Variants in PRMT8 observed in about 807,000 individuals in gnomAD.
PRMT8 encodes protein arginine methyltransferase 8.
In PRMT8, 7 loss-of-function variants were observed where a neutral mutation model predicts 47.1. That is an observed-to-expected ratio of 0.15 (90% CI 0.08 to 0.28). The LOEUF (loss-of-function observed/expected upper bound fraction) is 0.28. Among genes scored for constraint, PRMT8 ranks in the 10% least tolerant of loss-of-function variants. PRMT8 has a pLI of 1.00. For missense variants in PRMT8, 237 were observed against 505.4 expected (o/e 0.47, Z 5.09); for synonymous variants, 188 against 186.5 (o/e 1.01, Z -0.07).
At chr12:3,586,508 A>G (rs142943731) in intron 8 of PRMT8, among the ~76,000 whole-genome samples, 35 of 152,320 alleles carry the variant, frequency 2.3e-4, no homozygotes, top group Admixed American at 3.3e-4. Context: ...TGGAGGTCCT[A>G]CAGTCTCCAG....
At chr12:3,466,788 C>A (rs943360827) in intron 1 of PRMT8, among the ~76,000 whole-genome samples, 4 of 152,126 alleles carry the variant, frequency 2.6e-5, no homozygotes, top group African/African-American at 9.7e-5. Flanking sequence ...TTTAATGTCT[C>A]CTGCATTAAA....
chr12:3,390,357 C>T (rs1042727375), intron 1 of PRMT8, among the ~76,000 whole-genome samples: 1 of 152,204 alleles, frequency 6.6e-6, no homozygotes, highest in Non-Finnish European at 1.5e-5. Context: ...TGACCGATGG[C>T]ACAATTCAGG....
chr12:3,439,760 A>G (rs10744609), intron 1 of PRMT8, among the ~76,000 whole-genome samples: 130,822 of 152,238 alleles, frequency 0.86, 56,567 homozygotes, highest in Non-Finnish European at 0.91. Flanking sequence ...ACCTAACGGG[A>G]ACCACAGAGT....
rs148289825 is a variant in PRMT8, at chr12:3,585,722, G to A, written c.979+2514G>A. Among the ~76,000 whole-genome samples the A allele has an allele frequency of 3.2e-4, 49 of 152,192 alleles. No homozygotes were observed. In the East Asian group the frequency reaches 9.1e-3, roughly 28 times the overall value. On this transcript the variant is annotated intron_variant, in intron 8 of 9. Coordinates refer to ENST00000382622, the MANE Select transcript of PRMT8 (RefSeq NM_019854.5). ...GGTCTCCGTCAGCCAGGCAGTGCTG[G>A]TGCTTTCCTGCCCTGATCTGGGTCA...
chr12:3,437,508 C>G (rs1864756940), intron 1 of PRMT8, among the ~76,000 whole-genome samples: 1 of 151,898 alleles, frequency 6.6e-6, no homozygotes, highest in Non-Finnish European at 1.5e-5. Flanking sequence ...TTTGAATCCT[C>G]ATCGTCCTCC....
intron 1 of PRMT8, among the ~76,000 whole-genome samples, chr12:3,480,657 C>CT (rs397709992): frequency 1.3e-5 from 2 of 151,814 alleles, no homozygotes; most frequent in Admixed American, 6.6e-5. Flanking sequence ...TTCCTCCCCC[C>CT]ACCGCTTTCT....
intron 1 of PRMT8, among the ~76,000 whole-genome samples, chr12:3,413,770 AC>A (rs148557850): frequency 1.0e-3 from 157 of 150,520 alleles, no homozygotes; most frequent in African/African-American, 3.3e-3. Flanking sequence ...GGGAAAAAAA[AC>A]CAATAAAAAA....
chr12:3,413,417 T>C (rs1238431621), intron 1 of PRMT8, among the ~76,000 whole-genome samples: 1 of 152,210 alleles, frequency 6.6e-6, no homozygotes, highest in Non-Finnish European at 1.5e-5. Context: ...TATGTCTTTA[T>C]TAGCAGTGTG....
At position 3,550,478 on chromosome 12, in the gene PRMT8, T is replaced by C; in HGVS notation, c.417+387T>C. 1 of 200,612 alleles carries C rather than the reference T, an allele frequency of 5.0e-6. No individual in the cohort carries two copies. The highest frequency in any genetic ancestry group is 1.2e-4 in the South Asian group (1 of 8,216). 12.4% of individuals were successfully genotyped at this position (200,612 alleles called of 1,614,324 possible). ...TGTGACCTTGGACTATTCACTTCCC[T>C]GCACCTCACTTTTTCTCCATCTATA... On this transcript the variant is annotated intron_variant, in intron 3 of 9. Coordinates refer to ENST00000382622, the MANE Select transcript of PRMT8 (RefSeq NM_019854.5). The surrounding 1 kb of genome is among the most constrained non-coding windows in gnomAD (Gnocchi z 5.1).
chr12:3,550,028 G>A lies in PRMT8; in HGVS notation c.354G>A (p.Val118=). 1.9e-6 allele frequency: 3 copies of A among 1,614,236 alleles called. 1 individual carries two copies. Among genetic ancestry groups the A allele is most frequent in the South Asian group, 2.2e-5 (2 of 91,084 alleles). ...HVFKDKVVLD[V]GSGTGILSMF... ...TCAAGGACAAAGTGGTACTGGATGT[G>A]GGGAGTGGTACTGGGATCCTTTCCA... The change falls in exon 3 of 10, where the codon GTG becomes GTA. Residue 118 remains valine (V), a synonymous_variant. Transcript: ENST00000382622. This position sits in a 1 kb window ranked among gnomAD's most constrained non-coding sequence, Gnocchi z 5.1.
At chr12:3,586,566 G>T (rs1291260509) in intron 8 of PRMT8, among the ~76,000 whole-genome samples, 2 of 152,176 alleles carry the variant, frequency 1.3e-5, no homozygotes, top group African/African-American at 4.8e-5. Context: ...TTCCTGGACG[G>T]GTAACACCAG....
chr12:3,415,520 A>C (rs1864475021), intron 1 of PRMT8, among the ~76,000 whole-genome samples: 1 of 152,210 alleles, frequency 6.6e-6, no homozygotes, highest in Non-Finnish European at 1.5e-5. Flanking sequence ...CCACCAGTCA[A>C]TCATTAGCAT....
At chr12:3,490,675 AAGAGAGAGAGAGAGAGAGAGAGAG>A (rs370069857), upstream of PRMT8, among the ~76,000 whole-genome samples, 2 of 121,158 alleles carry the variant, frequency 1.7e-5, no homozygotes, top group East Asian at 2.5e-4. Context: ...TTTGGGTACA[AAGAGAGAGAGAGAGAGAGAGAGAG>A]AGAGAGAGAG....
chr12:3,470,759 G>T (rs1243437525), intron 1 of PRMT8, among the ~76,000 whole-genome samples: 1 of 152,208 alleles, frequency 6.6e-6, no homozygotes, highest in East Asian at 1.9e-4. Context: ...CTCCACACCA[G>T]CCTGGTGAAT....
Position 3,538,855 on chromosome 12 carries a change from G to T in PRMT8, c.76-1751G>T. The T allele has an allele frequency of 4.4e-6, 2 of 449,812 alleles. No homozygotes were observed. The highest frequency in any genetic ancestry group is 8.9e-6 in the Non-Finnish European group (2 of 223,470). The allele number at this position is 449,812 out of a possible 1,614,324, so 27.9% of individuals were successfully genotyped here. On this transcript the variant is annotated intron_variant, in intron 1 of 9. Transcript: ENST00000382622. This position sits in a 1 kb window ranked among gnomAD's most constrained non-coding sequence, Gnocchi z 4.6. Reference sequence around the variant, plus strand: ...CACTCGCCTTTGCCAGCCCGCCCGGGATCTCACCGACGTGAAATCTGATGT... The same window carrying T: ...CACTCGCCTTTGCCAGCCCGCCCGGTATCTCACCGACGTGAAATCTGATGT...
intron 1 of PRMT8, among the ~76,000 whole-genome samples, chr12:3,420,124 G>A (rs1184333011): frequency 6.6e-6 from 1 of 152,010 alleles, no homozygotes; most frequent in Non-Finnish European, 1.5e-5. Flanking sequence ...CCTCATATGG[G>A]ATGTTCTCAA....
rs1864970209 is a variant in PRMT8, at chr12:3,456,037, T to A, written c.48+74595T>A. ...TGAGCCTGCGTTCTCATCTGTAAAATGAGGATAGTAAGTCACACCTCACAG... is the reference window on the plus strand; with the variant it reads ...TGAGCCTGCGTTCTCATCTGTAAAAAGAGGATAGTAAGTCACACCTCACAG... On this transcript the variant is annotated intron_variant, in intron 1 of 9. Coordinates refer to the PRMT8 transcript ENST00000452611. The surrounding 1 kb of genome is among the most constrained non-coding windows in gnomAD (Gnocchi z 4.2). 6.6e-6 allele frequency among the ~76,000 whole-genome samples: 1 copy of A among 152,186 alleles called. No homozygotes were observed. Among genetic ancestry groups the A allele is most frequent in the Non-Finnish European group, 1.5e-5 (1 of 68,032 alleles).
rs1356226271 is a variant in PRMT8, at chr12:3,386,731, A to G, written c.48+5289A>G. 6.3e-5 allele frequency among the ~76,000 whole-genome samples: 8 copies of G among 126,864 alleles called. No individual in the cohort carries two copies. In the East Asian group the frequency reaches 6.8e-4, roughly 11 times the overall value. 83.2% of individuals were successfully genotyped at this position (126,864 alleles called of 152,430 possible). A position where few individuals can be genotyped will look rare whatever the true frequency, so the allele number is the denominator to read the frequency against. ...TTTTTTTTTCTTTCTTTCTTTTTTT[A>G]TGGAGTCTTTCCCTGTCATCCAGGC... On this transcript the variant is annotated intron_variant, in intron 1 of 9. Coordinates refer to the PRMT8 transcript ENST00000452611.
intron 1 of PRMT8, among the ~76,000 whole-genome samples, chr12:3,397,238 G>A (rs912232083): frequency 3.3e-5 from 5 of 151,958 alleles, no homozygotes; most frequent in African/African-American, 1.2e-4. Flanking sequence ...GTCCAGCTTT[G>A]TTCCATTGCT....
Sources: allele counts gnomAD v4.1 joint callset (sites outside exome capture counted in the v4.1 genomes callset), GRCh38; gene constraint gnomAD v4.1.1; non-coding constraint Gnocchi (gnomAD v3.1); transcripts MANE v1.5; gene names NCBI Gene and HGNC (gene_info 2026-07-23, HGNC 2026-07-21).